ADAM29: variants seen among roughly 807,000 people sequenced by gnomAD.
ADAM29 encodes the protein ADAM metallopeptidase domain 29, also known as disintegrin and metalloproteinase domain-containing protein 29.
For synonymous variants in ADAM29, 367 were observed against 342.3 expected, an observed-to-expected ratio of 1.07 and a Z score of -0.80; for missense variants, 969 against 1,001.8, an observed-to-expected ratio of 0.97 and a Z score of 0.44.
chr4:174,946,914 T>C (rs1167941769), intron 4 of ADAM29, among the ~76,000 whole-genome samples: 1 of 152,150 alleles, frequency 6.6e-6, no homozygotes, highest in Non-Finnish European at 1.5e-5. Context: ...ACTGATTCAA[T>C]TTTGGAACTC....
At chr4:174,921,344 G>C (rs28436676) in intron 2 of ADAM29, among the ~76,000 whole-genome samples, 1 of 152,010 alleles carries the variant, frequency 6.6e-6, no homozygotes. Flanking sequence ...GTGACATTAC[G>C]CACACATGTA....
At chr4:174,962,746 T>A (rs569404007) in intron 4 of ADAM29, among the ~76,000 whole-genome samples, 1 of 152,096 alleles carries the variant, frequency 6.6e-6, no homozygotes, top group African/African-American at 2.4e-5. Flanking sequence ...AGTAAATACA[T>A]ACAGTTTTAT....
chr4:174,920,288 C>T (rs952727455), intron 1 of ADAM29, among the ~76,000 whole-genome samples: 1 of 152,166 alleles, frequency 6.6e-6, no homozygotes, highest in Non-Finnish European at 1.5e-5. Context: ...TAATGGTTCC[C>T]TATTTTGCCA....
At chr4:174,962,339 G>A (rs1158158708) in intron 4 of ADAM29, among the ~76,000 whole-genome samples, 3 of 151,994 alleles carry the variant, frequency 2.0e-5, no homozygotes, top group Admixed American at 6.6e-5. Context: ...GTGAAACCCC[G>A]TCTCTACTAA....
chr4:174,975,992 A>G lies in ADAM29; in HGVS notation c.467A>G (p.Glu156Gly), dbSNP rs777946341. The change falls in exon 5 of 5, where the codon GAG becomes GGG. Residue 156 changes from glutamate (E) to glycine (G), a missense_variant. By Grantham distance (98) the Glu-to-Gly change is moderately conservative. Coordinates refer to ENST00000359240, the MANE Select transcript of ADAM29 (RefSeq NM_014269.4). ...EHLVYKMDSE[E>G]KQFSTMRSGF... Reference sequence around the variant, plus strand: ...CTGGTATACAAGATGGACAGTGAGGAGAAACAATTTTCAACCATGAGATCC... The same window carrying G: ...CTGGTATACAAGATGGACAGTGAGGGGAAACAATTTTCAACCATGAGATCC... 5.0e-6 allele frequency: 8 copies of G among 1,614,002 alleles called. No individual in the cohort carries two copies. The Admixed American group carries it at 1.0e-4, about 20-fold the overall frequency.
rs546026641 is a variant in ADAM29 at position 174,923,519 on chromosome 4, T to TGATATATATA, written c.-451+2727_-451+2728insGATATATATA. 4.1e-4 allele frequency among the ~76,000 whole-genome samples: 15 copies of TGATATATATA among 36,728 alleles called. 1 individual carries two copies. Among genetic ancestry groups the TGATATATATA allele is most frequent in the Admixed American group, 1.0e-3 (2 of 1,956 alleles). The allele number at this position is 36,728 out of a possible 152,430, so 24.1% of individuals were successfully genotyped here. On this transcript the variant is annotated intron_variant, in intron 2 of 4. Transcript: ENST00000359240. ...TGCATCATCCCCTATATACTGTGCA[T>TGATATATATA]TATATGTATATATATATATATATAT...
At chr4:174,941,597 G>A (rs1299578531) in intron 4 of ADAM29, among the ~76,000 whole-genome samples, 1 of 152,066 alleles carries the variant, frequency 6.6e-6, no homozygotes, top group African/African-American at 2.4e-5. Context: ...CTCACTCACT[G>A]TCATGGGAAC....
intron 4 of ADAM29, among the ~76,000 whole-genome samples, chr4:174,937,418 A>G: frequency 6.6e-6 from 1 of 152,020 alleles, no homozygotes; most frequent in East Asian, 1.9e-4. Context: ...TTGAATCCTA[A>G]GTTATTTTAC....
chr4:174,977,120 G>A lies in ADAM29; in HGVS notation c.1595G>A (p.Gly532Asp), dbSNP rs761207294. ...TTGAACACCTTAGGTGACCGTGTTGGTCACTGTGGTATCAAAAATGCTACA... is the reference window on the plus strand; with the variant it reads ...TTGAACACCTTAGGTGACCGTGTTGATCACTGTGGTATCAAAAATGCTACA... ...KELNTLGDRV[G>D]HCGIKNATYI... is the part of the protein sequence containing the mutation. Residue 532 changes from glycine to aspartate, a missense_variant, in exon 5 of 5, where the codon GGT becomes GAT. Gly to Asp is a moderately conservative substitution (Grantham distance 94). Coordinates refer to ENST00000359240, the MANE Select transcript of ADAM29 (RefSeq NM_014269.4). 1.2e-6 allele frequency: 2 copies of A among 1,614,054 alleles called. No homozygotes were observed. The highest frequency in any genetic ancestry group is 1.7e-6 in the Non-Finnish European group (2 of 1,179,978).
intron 2 of ADAM29, among the ~76,000 whole-genome samples, chr4:174,921,574 G>A (rs188721529): frequency 1.6e-3 from 251 of 152,212 alleles, no homozygotes; most frequent in African/African-American, 5.8e-3. Flanking sequence ...AAGTGAACAG[G>A]AATATGTTAC....
intron 4 of ADAM29, among the ~76,000 whole-genome samples, chr4:174,966,512 T>A (rs1429107718): frequency 6.6e-6 from 1 of 152,202 alleles, no homozygotes; most frequent in Non-Finnish European, 1.5e-5. Context: ...AGGATAGACA[T>A]CCTATTCCAA....
At chr4:174,965,512 T>TATCA (rs995113841) in intron 4 of ADAM29, among the ~76,000 whole-genome samples, 7 of 151,766 alleles carry the variant, frequency 4.6e-5, no homozygotes, top group African/African-American at 1.2e-4. Flanking sequence ...TCTATCTATC[T>TATCA]ATCTATCTAT....
At chr4:174,965,785 G>A (rs1383912468) in intron 4 of ADAM29, among the ~76,000 whole-genome samples, 1 of 151,486 alleles carries the variant, frequency 6.6e-6, no homozygotes, top group Non-Finnish European at 1.5e-5. Flanking sequence ...TCATCATGGG[G>A]GCCTTGCTCT....
At chr4:174,942,433 CT>C (rs1744591496) in intron 4 of ADAM29, among the ~76,000 whole-genome samples, 1 of 152,168 alleles carries the variant, frequency 6.6e-6, no homozygotes, top group Non-Finnish European at 1.5e-5. Flanking sequence ...TACGTAGAGG[CT>C]CCCAAAGTTC....
intron 4 of ADAM29, among the ~76,000 whole-genome samples, chr4:174,938,947 T>A (rs1744359283): frequency 6.6e-6 from 1 of 152,166 alleles, no homozygotes; most frequent in Non-Finnish European, 1.5e-5. Context: ...ACTGCAGTCT[T>A]TGTCTCCATC....
At chr4:174,946,544 T>C (rs915580410) in intron 4 of ADAM29, among the ~76,000 whole-genome samples, 9 of 152,166 alleles carry the variant, frequency 5.9e-5, no homozygotes, top group Non-Finnish European at 2.9e-5. Flanking sequence ...TGAATGAAAT[T>C]GGTGAGAGAG....
chr4:174,953,992 G>A (rs1433529808), intron 4 of ADAM29, among the ~76,000 whole-genome samples: 7 of 152,118 alleles, frequency 4.6e-5, no homozygotes, highest in African/African-American at 7.2e-5. Flanking sequence ...GATTACAGGT[G>A]TGAGCCGCCA....
intron 4 of ADAM29, among the ~76,000 whole-genome samples, chr4:174,947,916 C>G (rs1363040455): frequency 3.3e-5 from 5 of 152,178 alleles, no homozygotes; most frequent in African/African-American, 1.2e-4. Context: ...ATTTGGAGAA[C>G]TAGTCTTTGA....
chr4:174,932,174 C>T (rs906836746), intron 3 of ADAM29, among the ~76,000 whole-genome samples: 1 of 152,008 alleles, frequency 6.6e-6, no homozygotes, highest in Non-Finnish European at 1.5e-5. Flanking sequence ...GTAATCCCAG[C>T]TACTCGAGAG....
Sources: gnomAD v4.1 joint callset for allele counts (sites outside exome capture counted in the v4.1 genomes callset) on GRCh38, gnomAD v4.1.1 for gene constraint, MANE v1.5 for transcripts, NCBI Gene and HGNC (gene_info 2026-07-23, HGNC 2026-07-21) for gene names.